GRIA1: variants seen among roughly 807,000 people sequenced by gnomAD.
GRIA1 encodes glutamate ionotropic receptor AMPA type subunit 1.
A neutral mutation model predicts 99.2 loss-of-function variants in GRIA1; 31 were observed. The ratio of observed to expected loss-of-function variants is 0.31; its 90% CI spans 0.23 to 0.42. The LOEUF (loss-of-function observed/expected upper bound fraction) is 0.42. GRIA1 is among the 10% of genes least tolerant of loss of function. The pLI is 1.00. For missense variants in GRIA1, 782 were observed against 1,157.5 expected, an observed-to-expected ratio of 0.68 and a Z score of 4.71; for synonymous variants, 438 against 432.4, an observed-to-expected ratio of 1.01 and a Z score of -0.16.
intron 11 of GRIA1, among the ~76,000 whole-genome samples, chr5:153,723,499 G>A (rs1760237172): frequency 6.6e-6 from 1 of 152,200 alleles, no homozygotes; most frequent in African/African-American, 2.4e-5. Flanking sequence ...TCAAAGAAAG[G>A]GGTGACAGAT....
At chr5:153,529,814 T>A (rs1434382178) in intron 2 of GRIA1, among the ~76,000 whole-genome samples, 1 of 152,142 alleles carries the variant, frequency 6.6e-6, no homozygotes, top group Non-Finnish European at 1.5e-5. Flanking sequence ...GGAGGTGATG[T>A]TTGTATGAAA....
rs1445371870 is a variant in GRIA1, at chr5:153,732,943, T to G, written c.1823+26876T>G. On this transcript the variant is annotated intron_variant, in intron 11 of 15. Transcript: ENST00000285900. Reference sequence around the variant, plus strand: ...TAAATTTCTTTTTTTTTTTTTTCTTTGCATGTGGACATCTAGTTTTTCCAA... The same window carrying G: ...TAAATTTCTTTTTTTTTTTTTTCTTGGCATGTGGACATCTAGTTTTTCCAA... Among the ~76,000 whole-genome samples the G allele has an allele frequency of 2.0e-5, 3 of 151,108 alleles. No homozygotes were observed. The East Asian group carries it at 5.8e-4, about 29-fold the overall frequency.
At chr5:153,637,368 A>G (rs909986148) in intron 2 of GRIA1, among the ~76,000 whole-genome samples, 5 of 152,302 alleles carry the variant, frequency 3.3e-5, no homozygotes, top group Admixed American at 6.5e-5. Flanking sequence ...ATCTAGGCCA[A>G]TAGTCCTTCA....
At chr5:153,529,781 C>T (rs1298166109) in intron 2 of GRIA1, among the ~76,000 whole-genome samples, 2 of 152,108 alleles carry the variant, frequency 1.3e-5, no homozygotes, top group Non-Finnish European at 2.9e-5. Context: ...CAGTTGCAAA[C>T]TCCCCAACCT....
chr5:153,606,493 G>T (rs1765449978), intron 2 of GRIA1, among the ~76,000 whole-genome samples: 2 of 151,998 alleles, frequency 1.3e-5, no homozygotes, highest in Non-Finnish European at 2.9e-5. Flanking sequence ...TGGGAGAGTT[G>T]ATATCTTTAC....
intron 5 of GRIA1, among the ~76,000 whole-genome samples, chr5:153,670,218 T>C (rs568726358): frequency 2.0e-5 from 3 of 152,264 alleles, no homozygotes; most frequent in South Asian, 4.1e-4. Flanking sequence ...AAATGCTACA[T>C]AGGTGCAGAA....
At chr5:153,646,795 G>T (rs1397450652) in intron 2 of GRIA1, 133 bp from the exon 3 acceptor site, 1 of 914,000 alleles carries the variant, frequency 1.1e-6, no homozygotes, top group Non-Finnish European at 1.7e-6. Context: ...TTTGTTGGAT[G>T]GGTAGATGGA....
chr5:153,803,005 A>G (rs1269556766), intron 15 of GRIA1, among the ~76,000 whole-genome samples: 1 of 152,210 alleles, frequency 6.6e-6, no homozygotes, highest in Non-Finnish European at 1.5e-5. Flanking sequence ...AACCACATCA[A>G]ATGTAGCTAA....
intron 7 of GRIA1, among the ~76,000 whole-genome samples, chr5:153,682,348 C>A (rs1757032059): frequency 6.6e-6 from 1 of 152,176 alleles, no homozygotes; most frequent in African/African-American, 2.4e-5. Flanking sequence ...CCAATGAGGG[C>A]AGGGGAGAGC....
At chr5:153,554,602 T>C (rs1330079850) in intron 2 of GRIA1, among the ~76,000 whole-genome samples, 2 of 152,182 alleles carry the variant, frequency 1.3e-5, no homozygotes, top group Admixed American at 6.5e-5. Context: ...CAAGCGATTC[T>C]CCTGCCTCAG....
chr5:153,655,645 G>A (rs2149464317), intron 4 of GRIA1, among the ~76,000 whole-genome samples, 174 bp from the exon 5 acceptor site: 1 of 152,200 alleles, frequency 6.6e-6, no homozygotes, highest in Middle Eastern at 3.4e-3. Context: ...TTCCTTATTT[G>A]TAAAATAAGG....
At chr5:153,560,510 C>A (rs531954284) in intron 2 of GRIA1, among the ~76,000 whole-genome samples, 1 of 152,086 alleles carries the variant, frequency 6.6e-6, no homozygotes, top group African/African-American at 2.4e-5. Flanking sequence ...TGTGTTTTTC[C>A]GTGCTGTCCT....
chr5:153,637,098 T>C (rs1174201897), intron 2 of GRIA1, among the ~76,000 whole-genome samples: 1 of 152,196 alleles, frequency 6.6e-6, no homozygotes, highest in Non-Finnish European at 1.5e-5. Flanking sequence ...GTGCCAAGAA[T>C]AGAATTTGGA....
rs79884773 is a variant in GRIA1, at chr5:153,570,954, T to C, written c.221-75974T>C. Among the ~76,000 whole-genome samples the C allele has an allele frequency of 8.8e-3, 1,347 of 152,238 alleles. 28 individuals carry two copies. The highest frequency in any genetic ancestry group is 0.031 in the African/African-American group (1,270 of 41,516). ...TGAGTAATTCCTTCTGGATTACTAA[T>C]ATCAAAAGTCCATTTGTATCTGATT... On this transcript the variant is annotated intron_variant, in intron 2 of 15. Coordinates refer to ENST00000285900, the MANE Select transcript of GRIA1 (RefSeq NM_000827.4).
chr5:153,796,732 T>C (rs1437426670), intron 14 of GRIA1, among the ~76,000 whole-genome samples: 1 of 152,148 alleles, frequency 6.6e-6, no homozygotes, highest in Non-Finnish European at 1.5e-5. Flanking sequence ...GCCCAGTGAC[T>C]CAATGATAAA....
chr5:153,664,609 G>C (rs1039587902), intron 5 of GRIA1, among the ~76,000 whole-genome samples: 1 of 151,884 alleles, frequency 6.6e-6, no homozygotes, highest in African/African-American at 2.4e-5. Context: ...AATTACTTGT[G>C]TAATATTGGC....
At chr5:153,674,976 A>C (rs59807061) in intron 6 of GRIA1, among the ~76,000 whole-genome samples, 25,535 of 152,070 alleles carry the variant, frequency 0.17, 2,320 homozygotes, top group Non-Finnish European at 0.19. Context: ...GCTGTCATCC[A>C]CATACGGCTG....
chr5:153,650,506 T>C lies in GRIA1; in HGVS notation c.637T>C (p.Leu213=). Residue 213 remains leucine (L), a synonymous_variant, in exon 4 of 16, where the codon TTG becomes CTG. Transcript: ENST00000285900. ...TGAATCAGAACGCCTCAATGCTATC[T>C]TGGGCCAGGTAGTGAAAGCAGCAAG... ...DCESERLNAI[L]GQIIKLEKNG... is the part of the protein sequence containing the mutation. The C allele has an allele frequency of 6.2e-7, 1 of 1,613,538 alleles. No individual in the cohort carries two copies. The highest frequency in any genetic ancestry group is 2.2e-5 in the East Asian group (1 of 44,840).
chr5:153,659,886 T>C (rs929161702), intron 5 of GRIA1, among the ~76,000 whole-genome samples: 1 of 152,212 alleles, frequency 6.6e-6, no homozygotes, highest in Non-Finnish European at 1.5e-5. Context: ...GTGTGAACAA[T>C]ATGGTGCCTT....
Sources: allele counts gnomAD v4.1 joint callset (sites outside exome capture counted in the v4.1 genomes callset), GRCh38; gene constraint gnomAD v4.1.1; transcripts MANE v1.5; gene names NCBI Gene and HGNC (gene_info 2026-07-23, HGNC 2026-07-21).